Variants in PCDH15 observed in about 807,000 individuals in gnomAD.
The protein encoded by PCDH15 is protocadherin related 15.
A neutral mutation model predicts 178.5 loss-of-function variants in PCDH15; 129 were observed. That is an observed-to-expected ratio of 0.72 (90% CI 0.63 to 0.84). The LOEUF (loss-of-function observed/expected upper bound fraction) is 0.84. PCDH15 is among the 40% of genes least tolerant of loss of function. The pLI is 0.00. For synonymous variants in PCDH15, 800 were observed against 732.0 expected (o/e 1.09, Z -1.50); for missense variants, 2,230 against 2,099.9 (o/e 1.06, Z -1.21).
At chr10:54,479,362 T>C (rs2078528933) in intron 3 of PCDH15, among the ~76,000 whole-genome samples, 1 of 152,040 alleles carries the variant, frequency 6.6e-6, no homozygotes, top group Non-Finnish European at 1.5e-5. Flanking sequence ...ATAGTATTTA[T>C]GCTTAAAACT....
intron 23 of PCDH15, among the ~76,000 whole-genome samples, chr10:53,959,069 A>C (rs1261625282): frequency 6.7e-6 from 1 of 149,334 alleles, no homozygotes; most frequent in Non-Finnish European, 1.5e-5. Context: ...GCCTCAGTTG[A>C]CTAAAACAGT....
intron 18 of PCDH15, among the ~76,000 whole-genome samples, chr10:54,058,335 C>T (rs554353277): frequency 8.5e-4 from 130 of 152,328 alleles, no homozygotes; most frequent in African/African-American, 3.0e-3. Flanking sequence ...AATTGACTCA[C>T]AGTTTCACAT....
At chr10:55,161,148 T>C (rs1839054611) in intron 2 of PCDH15, among the ~76,000 whole-genome samples, 1 of 152,100 alleles carries the variant, frequency 6.6e-6, no homozygotes, top group African/African-American at 2.4e-5. Flanking sequence ...ACAAAGGTGA[T>C]AGGGGTGGGA....
chr10:54,039,432 A>T (rs78228338), intron 18 of PCDH15, among the ~76,000 whole-genome samples: 1,982 of 152,050 alleles, frequency 0.013, 42 homozygotes, highest in African/African-American at 0.045. Context: ...CTCAGACTTT[A>T]CATATATTTC....
intron 34 of PCDH15, among the ~76,000 whole-genome samples, chr10:53,817,505 TTTTTC>T (rs2076103432): frequency 6.6e-6 from 1 of 150,706 alleles, no homozygotes; most frequent in African/African-American, 2.4e-5. Flanking sequence ...CTTTGTTTTT[TTTTTC>T]TTTTTCTTTT....
intron 2 of PCDH15, among the ~76,000 whole-genome samples, chr10:55,149,858 A>G (rs1838648989): frequency 6.6e-6 from 1 of 151,992 alleles, no homozygotes; most frequent in Non-Finnish European, 1.5e-5. Flanking sequence ...AATGTTCTCA[A>G]TCTTAAATTA....
intron 3 of PCDH15, among the ~76,000 whole-genome samples, chr10:54,887,483 T>A (rs1954379507): frequency 6.6e-6 from 1 of 152,064 alleles, no homozygotes; most frequent in Non-Finnish European, 1.5e-5. Flanking sequence ...TTCATTATAA[T>A]CAAATTTTAT....
intron 17 of PCDH15, 77 bp downstream of exon 17, chr10:54,079,254 T>C (rs2094396581): frequency 7.5e-7 from 1 of 1,332,954 alleles, no homozygotes; most frequent in Admixed American, 1.7e-5. Context: ...TTAATTCATG[T>C]CTGTGATACA....
chr10:54,123,954 T>C (rs1190689425), intron 15 of PCDH15, among the ~76,000 whole-genome samples: 2 of 152,074 alleles, frequency 1.3e-5, no homozygotes, highest in Non-Finnish European at 2.9e-5. Flanking sequence ...AAATGGTGCA[T>C]ACATGTAGAC....
intron 2 of PCDH15, among the ~76,000 whole-genome samples, chr10:55,528,553 A>T (rs1350774406): frequency 6.6e-6 from 1 of 152,114 alleles, no homozygotes; most frequent in Non-Finnish European, 1.5e-5. Context: ...AAAGGACATG[A>T]ACTCATCATT....
chr10:55,414,070 G>C (rs1838415363), intron 2 of PCDH15, among the ~76,000 whole-genome samples: 2 of 151,382 alleles, frequency 1.3e-5, no homozygotes, highest in Admixed American at 1.3e-4. Flanking sequence ...TTTAAAATAG[G>C]AAAAAGTTTT....
chr10:53,816,841 T>C (rs2132434884), intron 34 of PCDH15, among the ~76,000 whole-genome samples: 1 of 152,330 alleles, frequency 6.6e-6, no homozygotes, highest in East Asian at 1.9e-4. Flanking sequence ...TTCAGAATGA[T>C]TAGGAAAGTC....
intron 18 of PCDH15, among the ~76,000 whole-genome samples, chr10:54,064,630 G>A (rs962695939): frequency 2.6e-5 from 4 of 152,108 alleles, no homozygotes; most frequent in African/African-American, 7.2e-5. Context: ...GTTCATTGGC[G>A]CCCAAAGTTC....
intron 3 of PCDH15, among the ~76,000 whole-genome samples, chr10:54,810,434 G>A (rs1952844479): frequency 6.6e-6 from 1 of 152,018 alleles, no homozygotes; most frequent in Non-Finnish European, 1.5e-5. Flanking sequence ...GCAATATTAT[G>A]TCTTCCTGGT....
At chr10:55,349,581 A>G (rs1844856527) in intron 2 of PCDH15, among the ~76,000 whole-genome samples, 1 of 152,106 alleles carries the variant, frequency 6.6e-6, no homozygotes, top group African/African-American at 2.4e-5. Context: ...CACATAACAT[A>G]TTGTGTAATG....
chr10:54,424,612 A>T (rs1278740425), intron 3 of PCDH15, among the ~76,000 whole-genome samples: 1 of 152,120 alleles, frequency 6.6e-6, no homozygotes, highest in East Asian at 1.9e-4. Flanking sequence ...ACCAACCCAC[A>T]TGTCCATCAA....
At chr10:55,192,721 ATCTCTCTCTC>A (rs142101115) in intron 1 of PCDH15, among the ~76,000 whole-genome samples, 5 of 146,152 alleles carry the variant, frequency 3.4e-5, no homozygotes, top group South Asian at 2.1e-4. Context: ...AGATGAAAGA[ATCTCTCTCTC>A]TCTCTCTCTC....
At chr10:54,322,285 T>G (rs1294705903) in intron 7 of PCDH15, among the ~76,000 whole-genome samples, 1 of 151,930 alleles carries the variant, frequency 6.6e-6, no homozygotes, top group East Asian at 1.9e-4. Flanking sequence ...TAATCTAATA[T>G]ATATTAAAAT....
At chr10:54,216,011 ACAGC>A in intron 9 of PCDH15, among the ~76,000 whole-genome samples, 2 of 136,562 alleles carry the variant, frequency 1.5e-5, no homozygotes, top group African/African-American at 5.6e-5. Context: ...CCACTGCACT[ACAGC>A]CTGGGCTACA....
Sources: gnomAD v4.1 joint callset for allele counts (sites outside exome capture counted in the v4.1 genomes callset) on GRCh38, gnomAD v4.1.1 for gene constraint, MANE v1.5 for transcripts, NCBI Gene and HGNC (gene_info 2026-07-23, HGNC 2026-07-21) for gene names.